ITIH5: variants seen among roughly 807,000 people sequenced by gnomAD.
ITIH5 encodes inter-alpha-trypsin inhibitor heavy chain 5.
In ITIH5, 65 loss-of-function variants were observed where a neutral mutation model predicts 77.5. The ratio of observed to expected loss-of-function variants is 0.84; its 90% CI spans 0.69 to 1.03. ITIH5 has a LOEUF of 1.03. Ranked by LOEUF, ITIH5 falls within the 50% of genes least tolerant of loss-of-function variation. The pLI, the probability that ITIH5 is intolerant of heterozygous loss-of-function variation, is 0.00. For missense variants in ITIH5, 1,208 were observed against 1,213.1 expected (o/e 1.00, Z 0.06); for synonymous variants, 525 against 494.3 (o/e 1.06, Z -0.82).
intron 2 of ITIH5, among the ~76,000 whole-genome samples, chr10:7,654,609 G>A (rs1270552328): frequency 1.3e-5 from 2 of 152,222 alleles, no homozygotes. Context: ...CTGCATGGCA[G>A]GTGTCATCTG....
intron 7 of ITIH5, among the ~76,000 whole-genome samples, chr10:7,602,454 G>A (rs1284156351): frequency 6.6e-6 from 1 of 152,148 alleles, no homozygotes; most frequent in Non-Finnish European, 1.5e-5. Context: ...CATGGAGGCG[G>A]TTTCCCCCAG....
intron 7 of ITIH5, among the ~76,000 whole-genome samples, chr10:7,589,630 C>T (rs773744810): frequency 6.6e-6 from 1 of 152,032 alleles, no homozygotes; most frequent in Non-Finnish European, 1.5e-5. Context: ...GAGACCTCCA[C>T]TATTCTCTGT....
chr10:7,585,422 C>T (rs1832651741), intron 8 of ITIH5, among the ~76,000 whole-genome samples: 1 of 152,164 alleles, frequency 6.6e-6, no homozygotes, highest in Non-Finnish European at 1.5e-5. Context: ...CACATTTTAC[C>T]TCCGCAACCC....
intron 4 of ITIH5, among the ~76,000 whole-genome samples, chr10:7,639,747 A>C (rs1300636593): frequency 6.6e-6 from 1 of 152,212 alleles, no homozygotes; most frequent in Non-Finnish European, 1.5e-5. Flanking sequence ...TATAGGCATT[A>C]AAAAGCAATT....
At chr10:7,573,298 T>C (rs1381639494) in intron 10 of ITIH5, 103 bp from the exon 11 acceptor site, 2 of 921,034 alleles carry the variant, frequency 2.2e-6, no homozygotes, top group African/African-American at 1.6e-5. Flanking sequence ...AGCTTTTAGG[T>C]ACGTTTGTAA....
intron 2 of ITIH5, among the ~76,000 whole-genome samples, chr10:7,644,749 TCA>T (rs368727999): frequency 1.7e-5 from 2 of 118,296 alleles, no homozygotes; most frequent in African/African-American, 9.2e-5. Flanking sequence ...CACATATATA[TCA>T]CATATATCAC....
At chr10:7,661,908 T>G (rs2131117393) in intron 1 of ITIH5, among the ~76,000 whole-genome samples, 1 of 152,126 alleles carries the variant, frequency 6.6e-6, no homozygotes, top group East Asian at 1.9e-4. Flanking sequence ...AACCATGTTG[T>G]CCAGGCTGGT....
intron 7 of ITIH5, among the ~76,000 whole-genome samples, chr10:7,603,244 C>T (rs887971383): frequency 2.6e-5 from 4 of 152,204 alleles, no homozygotes; most frequent in East Asian, 1.9e-4. Context: ...ATGCACACTA[C>T]GACATGGCTG....
chr10:7,599,681 C>T (rs1427677388), intron 7 of ITIH5, among the ~76,000 whole-genome samples: 2 of 152,076 alleles, frequency 1.3e-5, no homozygotes, highest in Non-Finnish European at 2.9e-5. Context: ...TGTGTCTTCA[C>T]AAACATCGAG....
chr10:7,581,770 C>T (rs1174235430), intron 8 of ITIH5, among the ~76,000 whole-genome samples: 1 of 134,142 alleles, frequency 7.5e-6, no homozygotes, highest in African/African-American at 2.7e-5. Context: ...CTATGTTGCC[C>T]AGGCTGGTCT....
At chr10:7,584,434 G>A (rs1832632371) in intron 8 of ITIH5, among the ~76,000 whole-genome samples, 1 of 151,586 alleles carries the variant, frequency 6.6e-6, no homozygotes, top group Non-Finnish European at 1.5e-5. Flanking sequence ...CTCCCAAGTA[G>A]CTGGGATTAC....
At chr10:7,572,982 T>TG in intron 11 of ITIH5, 160 bp downstream of exon 11, 1 of 597,002 alleles carries the variant, frequency 1.7e-6, no homozygotes, top group Non-Finnish European at 3.0e-6. Flanking sequence ...TTCACCATGT[T>TG]GGCCAGGCTG....
At chr10:7,573,424 C>T (rs1832344230) in intron 10 of ITIH5, among the ~76,000 whole-genome samples, 1 of 151,762 alleles carries the variant, frequency 6.6e-6, no homozygotes, top group African/African-American at 2.4e-5. Flanking sequence ...CCCAGTGCTT[C>T]CGGAGGCCAA....
intron 10 of ITIH5, 40 bp from the exon 11 acceptor site, chr10:7,573,235 A>C: frequency 6.4e-7 from 1 of 1,552,814 alleles, no homozygotes; most frequent in Non-Finnish European, 8.9e-7. Context: ...GTCATTCCTT[A>C]AAGAAGATGA....
At chr10:7,592,515 A>G (rs1416338168) in intron 7 of ITIH5, among the ~76,000 whole-genome samples, 2 of 152,178 alleles carry the variant, frequency 1.3e-5, no homozygotes, top group Non-Finnish European at 2.9e-5. Context: ...AGAGTAGGGG[A>G]AAGAGGAAAA....
At chr10:7,568,590 G>A (rs1374034350) in intron 12 of ITIH5, among the ~76,000 whole-genome samples, 1 of 152,176 alleles carries the variant, frequency 6.6e-6, no homozygotes, top group Non-Finnish European at 1.5e-5. Flanking sequence ...AGGAACCCCA[G>A]GATCAAACTC....
At position 7,566,035 on chromosome 10, in the gene ITIH5, A is replaced by C. The variant is rs755424406; in HGVS notation, c.2522T>G (p.Leu841Arg). 7 of 1,613,296 alleles carry C rather than the reference A, an allele frequency of 4.3e-6. No homozygotes were observed. In the African/African-American group the frequency reaches 9.3e-5, roughly 22 times the overall value. ...AGGAGAGCGCAGCTTCCTACCCAGC[A>C]GTCCGTGGCAGTTGCTGGAAAGGCC... ...SEGLSSNCHG[L>R]LGQFLNQDAR... is the part of the protein sequence containing the mutation. Residue 841 changes from leucine (L) to arginine (R), a missense_variant, in exon 13 of 14, where the codon CTG (leucine) becomes CGG (arginine). By Grantham distance (102) the Leu-to-Arg change is moderately radical. Coordinates refer to ENST00000397146, the MANE Select transcript of ITIH5 (RefSeq NM_030569.7).
chr10:7,665,979 A>G lies in ITIH5; in HGVS notation c.90+824T>C, dbSNP rs535665712. Among the ~76,000 whole-genome samples, 9 of 152,324 alleles carry G rather than the reference A, an allele frequency of 5.9e-5. No individual in the cohort carries two copies. The South Asian group carries it at 1.9e-3, about 32-fold the overall frequency. On this transcript the variant is annotated intron_variant, in intron 1 of 13. Transcript: ENST00000397146. ...TCAAAACAGGGGCTGGAAAAGGGAG[A>G]AAAGGTCCGCCTACTTGTATCTTCC...
In ITIH5 at chr10:7,603,087, A is replaced by T. The variant is rs1268653700; in HGVS notation, c.939+12895T>A. On this transcript the variant is annotated intron_variant, in intron 7 of 13. Transcript: ENST00000397146. ...ACCTGAGCATCACGTAAACAACTAAATCCCACCTCTGAGTGTAGCTGCAGC... is the reference window on the plus strand; with the variant it reads ...ACCTGAGCATCACGTAAACAACTAATTCCCACCTCTGAGTGTAGCTGCAGC... 5.3e-5 allele frequency among the ~76,000 whole-genome samples: 8 copies of T among 152,154 alleles called. No homozygotes were observed. In the East Asian group the frequency reaches 1.5e-3, roughly 29 times the overall value.
Sources: gnomAD v4.1 joint callset for allele counts (sites outside exome capture counted in the v4.1 genomes callset) on GRCh38, gnomAD v4.1.1 for gene constraint, MANE v1.5 for transcripts, NCBI Gene and HGNC (gene_info 2026-07-23, HGNC 2026-07-21) for gene names.